NVL: variants seen among roughly 807,000 people sequenced by gnomAD.
NVL encodes nuclear valosin-containing protein-like.
NVL carries 84 observed loss-of-function variants against 110.2 expected under a neutral mutation model. The observed-to-expected ratio is 0.76, with a 90% confidence interval of 0.64 to 0.91. NVL has a LOEUF of 0.91. Among genes scored for constraint, NVL ranks in the 40% least tolerant of loss-of-function variants. NVL has a pLI of 0.00. For synonymous variants in NVL, 354 were observed against 361.1 expected (o/e 0.98, Z 0.22); for missense variants, 882 against 1,035.9 (o/e 0.85, Z 2.04).
chr1:224,286,201 A>T, intron 14 of NVL, 71 bp from the exon 15 acceptor site: 4 of 1,088,360 alleles, frequency 3.7e-6, no homozygotes, highest in Non-Finnish European at 5.5e-6. Flanking sequence ...TTATTTCCAG[A>T]TACATATTTT....
At chr1:224,239,851 C>G (rs1325483109) in intron 19 of NVL, among the ~76,000 whole-genome samples, 1 of 152,072 alleles carries the variant, frequency 6.6e-6, no homozygotes, top group Non-Finnish European at 1.5e-5. Flanking sequence ...GTCAGAAATA[C>G]CGTTAAAGAC....
chr1:224,311,968 G>A, intron 4 of NVL, 111 bp from the exon 5 acceptor site: 1 of 770,302 alleles, frequency 1.3e-6, no homozygotes, highest in Non-Finnish European at 2.1e-6. Flanking sequence ...GTGGTTAAGA[G>A]TCCAAACTCT....
chr1:224,270,496 T>C (rs933126255), intron 17 of NVL, among the ~76,000 whole-genome samples: 2 of 152,146 alleles, frequency 1.3e-5, no homozygotes, highest in African/African-American at 2.4e-5. Flanking sequence ...AGGCGGAGGC[T>C]GCAGTAAGCC....
intron 19 of NVL, among the ~76,000 whole-genome samples, chr1:224,241,967 G>C (rs1661253339): frequency 1.3e-5 from 2 of 152,038 alleles, no homozygotes; most frequent in Non-Finnish European, 2.9e-5. Context: ...GGGAGGCAGA[G>C]GTTGCAGTGA....
chr1:224,296,721 C>A, intron 10 of NVL, 103 bp from the exon 11 acceptor site: 1 of 707,514 alleles, frequency 1.4e-6, no homozygotes, highest in Middle Eastern at 4.1e-4. Context: ...GGTCAAGGAT[C>A]ATTTGCCAAA....
intron 15 of NVL, among the ~76,000 whole-genome samples, chr1:224,285,821 G>C (rs1419496135): frequency 1.3e-5 from 2 of 152,096 alleles, no homozygotes; most frequent in African/African-American, 4.8e-5. Flanking sequence ...TAGGATTATG[G>C]TTGATATAAA....
chr1:224,234,243 C>T (rs1660217463), intron 20 of NVL, among the ~76,000 whole-genome samples: 1 of 152,096 alleles, frequency 6.6e-6, no homozygotes, highest in African/African-American at 2.4e-5. Context: ...CAATGAAAGA[C>T]ACTCATGTTG....
chr1:224,327,195 C>A (rs887557125), intron 1 of NVL, among the ~76,000 whole-genome samples: 1 of 151,882 alleles, frequency 6.6e-6, no homozygotes, highest in Non-Finnish European at 1.5e-5. Flanking sequence ...GTAATCCCAG[C>A]ACTTTGAGAG....
chr1:224,294,321 C>T lies in NVL; in HGVS notation c.1271G>A (p.Gly424Glu). The T allele has an allele frequency of 1.2e-6, 2 of 1,614,148 alleles. No individual in the cohort carries two copies. Among genetic ancestry groups the T allele is most frequent in the East Asian group, 2.2e-5 (1 of 44,876 alleles). Reference sequence around the variant, plus strand: ...TAGGCATATTTCTCGGTCGAACCTTCCCGCACGTCTCAAAGCAGGGTCTAA... The same window carrying T: ...TAGGCATATTTCTCGGTCGAACCTTTCCGCACGTCTCAAAGCAGGGTCTAA... Reference protein sequence around the residue: ...DSLDPALRRAGRFDREICLGI... With the variant: ...DSLDPALRRAERFDREICLGI... The change falls in exon 12 of 23, where the codon GGA (glycine) becomes GAA (glutamate). Residue 424 changes from glycine to glutamate, a missense_variant. Gly to Glu is a moderately conservative substitution (Grantham distance 98). Coordinates refer to ENST00000281701, the MANE Select transcript of NVL (RefSeq NM_002533.4).
intron 2 of NVL, among the ~76,000 whole-genome samples, chr1:224,324,778 G>A (rs932842804): frequency 2.0e-5 from 3 of 152,188 alleles, no homozygotes; most frequent in Non-Finnish European, 1.5e-5. Context: ...ATGCTAAAAT[G>A]AGTTAAGACT....
Position 224,289,680 on chromosome 1 carries a change from CAG to C in NVL, c.1377_1378del (p.Phe459LeufsTer14). On this transcript the variant is annotated frameshift_variant, in exon 13 of 23. Transcript: ENST00000281701. LOFTEE classifies it high-confidence loss of function. Reference sequence around the variant, plus strand: ...GCCTGGAGTTAGGTGTGCTAAGTGACAGAAATCAAAAGCTTGAGGAAGCCTCA... The same window carrying C: ...GCCTGGAGTTAGGTGTGCTAAGTGACAAATCAAAAGCTTGAGGAAGCCTCA... 6.2e-7 allele frequency: 1 copy of C among 1,614,204 alleles called. No homozygotes were observed. The highest frequency in any genetic ancestry group is 8.5e-7 in the Non-Finnish European group (1 of 1,180,024).
intron 17 of NVL, among the ~76,000 whole-genome samples, chr1:224,272,173 T>TA (rs547605639): frequency 5.8e-4 from 78 of 135,132 alleles, no homozygotes; most frequent in Middle Eastern, 8.1e-3. Context: ...CTGTCTCTAC[T>TA]AAAAAAAAAA....
chr1:224,327,397 C>G (rs937015594), intron 1 of NVL, among the ~76,000 whole-genome samples: 2 of 152,034 alleles, frequency 1.3e-5, no homozygotes, highest in African/African-American at 2.4e-5. Context: ...GAGCAGTGTT[C>G]ACACCACTGC....
chr1:224,271,221 G>C (rs1665061693), intron 17 of NVL, among the ~76,000 whole-genome samples: 1 of 152,088 alleles, frequency 6.6e-6, no homozygotes, highest in Admixed American at 6.6e-5. Flanking sequence ...TAGAAGCCTA[G>C]GTCCAGGCAT....
chr1:224,291,692 C>T (rs1265910302), intron 12 of NVL, among the ~76,000 whole-genome samples: 1 of 152,208 alleles, frequency 6.6e-6, no homozygotes, highest in Non-Finnish European at 1.5e-5. Flanking sequence ...CATGAGTTTA[C>T]ATTCCTGATA....
chr1:224,257,770 G>A (rs1663458765), intron 18 of NVL, among the ~76,000 whole-genome samples: 1 of 152,008 alleles, frequency 6.6e-6, no homozygotes, highest in African/African-American at 2.4e-5. Context: ...GAACTCCTGA[G>A]CTCAAACAAT....
At chr1:224,275,561 TC>T (rs1665685034) in intron 16 of NVL, 103 bp from the exon 17 acceptor site, 1 of 1,429,152 alleles carries the variant, frequency 7.0e-7, no homozygotes, top group Non-Finnish European at 9.7e-7. Context: ...GTTTTATGTG[TC>T]AAAGTCCAGA....
intron 17 of NVL, among the ~76,000 whole-genome samples, chr1:224,268,364 T>G (rs963490905): frequency 2.0e-5 from 3 of 152,216 alleles, no homozygotes; most frequent in Non-Finnish European, 2.9e-5. Context: ...AGGGATTATT[T>G]GTCCAAGTTC....
chr1:224,281,292 T>C (rs1419847921), intron 15 of NVL, 107 bp from the exon 16 acceptor site: 1 of 749,402 alleles, frequency 1.3e-6, no homozygotes, highest in South Asian at 1.6e-5. Context: ...TGCGTGTGTG[T>C]GTGTGTGTGT....
Sources: gnomAD v4.1 joint callset for allele counts (sites outside exome capture counted in the v4.1 genomes callset) on GRCh38, gnomAD v4.1.1 for gene constraint, MANE v1.5 for transcripts, NCBI Gene and HGNC (gene_info 2026-07-23, HGNC 2026-07-21) for gene names.